Variants in AP3S1 observed in about 807,000 individuals in gnomAD.
The protein encoded by AP3S1 is AP-3 complex subunit sigma-1.
A neutral mutation model predicts 21.3 loss-of-function variants in AP3S1; 12 were observed. The ratio of observed to expected loss-of-function variants is 0.56; its 90% CI spans 0.36 to 0.91. The LOEUF (loss-of-function observed/expected upper bound fraction) is 0.91, where lower values mean the gene tolerates loss of function less well. Ranked by LOEUF, AP3S1 falls within the 40% of genes least tolerant of loss-of-function variation. The probability of loss-of-function intolerance (pLI) is 0.01; values close to 1 mark genes in which losing one functional copy is unlikely to be tolerated. For synonymous variants in AP3S1, 48 were observed against 78.4 expected (o/e 0.61, Z 2.05); for missense variants, 116 against 225.0 (o/e 0.52, Z 3.10).
At chr5:115,865,317 G>C (rs921270321) in intron 1 of AP3S1, among the ~76,000 whole-genome samples, 2 of 152,122 alleles carry the variant, frequency 1.3e-5, no homozygotes, top group African/African-American at 4.8e-5. Context: ...ATTGTTAAGA[G>C]AAAAAGTGTA....
chr5:115,876,922 A>C (rs1225205367), intron 3 of AP3S1, among the ~76,000 whole-genome samples: 1 of 152,178 alleles, frequency 6.6e-6, no homozygotes, highest in Non-Finnish European at 1.5e-5. Flanking sequence ...TGTGATGATC[A>C]CTTGGTTAAG....
At chr5:115,858,504 C>T (rs1407660787) in intron 1 of AP3S1, among the ~76,000 whole-genome samples, 1 of 152,112 alleles carries the variant, frequency 6.6e-6, no homozygotes, top group Non-Finnish European at 1.5e-5. Context: ...GGTCTGTTTT[C>T]ATTAGTTGTG....
At chr5:115,861,860 CTTTTCTTTTT>C (rs1297544212) in intron 1 of AP3S1, among the ~76,000 whole-genome samples, 3 of 120,124 alleles carry the variant, frequency 2.5e-5, no homozygotes, top group Admixed American at 9.3e-5. Flanking sequence ...ATTTTCTTTT[CTTTTCTTTTT>C]TTTTTTTTTT....
At chr5:115,865,386 G>GA (rs1219293576) in intron 1 of AP3S1, among the ~76,000 whole-genome samples, 1 of 152,132 alleles carries the variant, frequency 6.6e-6, no homozygotes, top group Non-Finnish European at 1.5e-5. Context: ...ATGCATGGGG[G>GA]ATCAGCATCC....
In AP3S1 at chr5:115,879,655, TTC is replaced by T. The variant is rs555504622; in HGVS notation, c.273+9533_273+9534del. Among the ~76,000 whole-genome samples, 387 of 152,262 alleles carry T rather than the reference TTC, an allele frequency of 2.5e-3. 2 individuals carry two copies. The highest frequency in any genetic ancestry group is 9.0e-3 in the African/African-American group (374 of 41,556). ...GTTCATCAGGGTTATTGGCCTAAAA[TTC>T]TCTCTTTTTTCTTGTGTCTCTCTCA... On this transcript the variant is annotated intron_variant, in intron 3 of 5. Coordinates refer to ENST00000316788, the MANE Select transcript of AP3S1 (RefSeq NM_001284.4).
chr5:115,864,067 T>A (rs1763412651), intron 1 of AP3S1, among the ~76,000 whole-genome samples: 1 of 152,172 alleles, frequency 6.6e-6, no homozygotes. Flanking sequence ...GCACCAGGAT[T>A]TAAAGTTGGA....
chr5:115,908,892 A>T, intron 5 of AP3S1: 1 of 716,386 alleles, frequency 1.4e-6, no homozygotes, highest in Non-Finnish European at 1.7e-6. Flanking sequence ...TGCTTTCAAA[A>T]TCTGCCATTA....
chr5:115,855,053 A>ATCTT (rs1313187145), intron 1 of AP3S1, among the ~76,000 whole-genome samples: 1 of 150,236 alleles, frequency 6.7e-6, no homozygotes, highest in Non-Finnish European at 1.5e-5. Context: ...CTATCTATCT[A>ATCTT]TCTATCTATC....
chr5:115,891,092 T>C (rs1750260233), intron 3 of AP3S1, among the ~76,000 whole-genome samples: 1 of 152,196 alleles, frequency 6.6e-6, no homozygotes, highest in South Asian at 2.1e-4. Flanking sequence ...TAAAGTCATT[T>C]CAGGCACCAT....
chr5:115,851,832 T>TTTGTTG (rs147357109), intron 1 of AP3S1, among the ~76,000 whole-genome samples: 2 of 152,048 alleles, frequency 1.3e-5, no homozygotes, highest in East Asian at 1.9e-4. Context: ...AACTTACGTT[T>TTTGTTG]TTGTTGTTGT....
At chr5:115,878,392 G>A (rs1334016640) in intron 3 of AP3S1, among the ~76,000 whole-genome samples, 3 of 152,126 alleles carry the variant, frequency 2.0e-5, no homozygotes, top group African/African-American at 7.2e-5. Context: ...GTGTAAGGAA[G>A]GGGTCCGCTT....
At chr5:115,866,529 A>G (rs1763634274) in intron 1 of AP3S1, 141 bp from the exon 2 acceptor site, 1 of 434,946 alleles carries the variant, frequency 2.3e-6, no homozygotes, top group Non-Finnish European at 4.0e-6. Flanking sequence ...TCTGTAAGGT[A>G]TAATTTAAGT....
chr5:115,875,284 G>A lies in AP3S1; in HGVS notation c.273+5156G>A, dbSNP rs540979776. 3.3e-5 allele frequency among the ~76,000 whole-genome samples: 5 copies of A among 152,216 alleles called. No homozygotes were observed. In the South Asian group the frequency reaches 1.0e-3, roughly 32 times the overall value. The stretch of plus-strand genomic sequence containing the variant: ...TAGTCTTCATTGGGGAAATTTATAA[G>A]CCAAGAATACTTAAGTGAGGAAAGG... On this transcript the variant is annotated intron_variant, in intron 3 of 5. Coordinates refer to ENST00000316788, the MANE Select transcript of AP3S1 (RefSeq NM_001284.4).
chr5:115,848,880 A>G (rs1436457842), intron 1 of AP3S1, among the ~76,000 whole-genome samples: 1 of 152,226 alleles, frequency 6.6e-6, no homozygotes, highest in African/African-American at 2.4e-5. Context: ...CTGAAGAATC[A>G]AGCAACTCTT....
chr5:115,861,348 G>A (rs1763166118), intron 1 of AP3S1, among the ~76,000 whole-genome samples: 1 of 152,100 alleles, frequency 6.6e-6, no homozygotes, highest in Admixed American at 6.6e-5. Context: ...AAGAGATGAT[G>A]AAACTTCAGG....
intron 1 of AP3S1, among the ~76,000 whole-genome samples, chr5:115,845,196 A>G (rs191831362): frequency 6.6e-6 from 1 of 152,358 alleles, no homozygotes; most frequent in Admixed American, 6.5e-5. Context: ...TTTATTAAAC[A>G]ATATCTAGAG....
chr5:115,883,777 T>C (rs1165688636), intron 3 of AP3S1, among the ~76,000 whole-genome samples: 3 of 152,228 alleles, frequency 2.0e-5, no homozygotes, highest in Non-Finnish European at 4.4e-5. Context: ...ATTTTAAAAA[T>C]CAGCTTTTGC....
At chr5:115,910,366 A>G (rs1156737804) in intron 5 of AP3S1, among the ~76,000 whole-genome samples, 1 of 152,150 alleles carries the variant, frequency 6.6e-6, no homozygotes, top group African/African-American at 2.4e-5. Context: ...ACCACGGGTA[A>G]ATGAAACCAT....
intron 3 of AP3S1, among the ~76,000 whole-genome samples, chr5:115,885,290 A>G (rs375689184): frequency 6.6e-6 from 1 of 152,182 alleles, no homozygotes; most frequent in Non-Finnish European, 1.5e-5. Flanking sequence ...GCCGTCTGCA[A>G]GCTGGGGAAG....
Sources: allele counts gnomAD v4.1 joint callset (sites outside exome capture counted in the v4.1 genomes callset), GRCh38; gene constraint gnomAD v4.1.1; transcripts MANE v1.5; gene names NCBI Gene and HGNC (gene_info 2026-07-23, HGNC 2026-07-21).